Variants in BTBD9 observed in about 807,000 individuals in gnomAD.
BTBD9 encodes the protein BTB/POZ domain-containing protein 9.
Under a neutral mutation model 64.3 loss-of-function variants are expected in BTBD9, and 49 were observed. That is an observed-to-expected ratio of 0.76 (90% CI 0.61 to 0.97). The LOEUF (loss-of-function observed/expected upper bound fraction) is 0.97, where lower values mean the gene tolerates loss of function less well. BTBD9 is among the 50% of genes least tolerant of loss of function. The probability of loss-of-function intolerance (pLI) is 0.00; values close to 1 mark genes in which losing one functional copy is unlikely to be tolerated. For synonymous variants in BTBD9, 260 were observed against 274.7 expected (o/e 0.95, Z 0.53); for missense variants, 598 against 762.1 (o/e 0.78, Z 2.53).
chr6:38,347,758 A>G (rs1337267105), intron 6 of BTBD9, among the ~76,000 whole-genome samples: 3 of 152,162 alleles, frequency 2.0e-5, no homozygotes, highest in East Asian at 1.9e-4. Context: ...CCACATTGGG[A>G]GGCCTGGGTG....
At chr6:38,542,093 C>T (rs1774306843) in intron 6 of BTBD9, among the ~76,000 whole-genome samples, 1 of 152,168 alleles carries the variant, frequency 6.6e-6, no homozygotes, top group African/African-American at 2.4e-5. Context: ...ACTACTCTTT[C>T]CCTAGTTGAT....
chr6:38,376,153 C>A (rs1478633415), intron 6 of BTBD9, among the ~76,000 whole-genome samples: 1 of 151,966 alleles, frequency 6.6e-6, no homozygotes, highest in Non-Finnish European at 1.5e-5. Context: ...TTTTTTCCCC[C>A]ACAAAAGACA....
At chr6:38,255,825 A>G (rs529697381) in intron 9 of BTBD9, among the ~76,000 whole-genome samples, 1 of 152,230 alleles carries the variant, frequency 6.6e-6, no homozygotes, top group African/African-American at 2.4e-5. Flanking sequence ...GAAGAAAACA[A>G]TCCTAAAAAA....
intron 6 of BTBD9, among the ~76,000 whole-genome samples, chr6:38,563,654 G>A (rs1187236904): frequency 4.6e-5 from 7 of 151,610 alleles, no homozygotes; most frequent in African/African-American, 1.2e-4. Flanking sequence ...CCTCTACCTC[G>A]CTGCCACTCC....
intron 6 of BTBD9, among the ~76,000 whole-genome samples, chr6:38,451,335 C>A (rs955646154): frequency 1.3e-5 from 2 of 152,142 alleles, no homozygotes; most frequent in Non-Finnish European, 2.9e-5. Context: ...AGTGCAAGTT[C>A]TTTGAAGACA....
intron 9 of BTBD9, among the ~76,000 whole-genome samples, chr6:38,246,274 T>C (rs146723269): frequency 1.0e-3 from 154 of 152,348 alleles, no homozygotes; most frequent in Non-Finnish European, 1.7e-3. Flanking sequence ...GCTGACTCCT[T>C]ATTGCTATTT....
intron 6 of BTBD9, among the ~76,000 whole-genome samples, chr6:38,358,679 G>GT (rs1764826447): frequency 6.6e-6 from 1 of 151,874 alleles, no homozygotes; most frequent in Admixed American, 6.6e-5. Context: ...GAAATCCTCT[G>GT]TTTTTTGTTT....
intron 6 of BTBD9, among the ~76,000 whole-genome samples, chr6:38,489,630 A>G (rs2127389619): frequency 6.6e-6 from 1 of 152,340 alleles, no homozygotes; most frequent in East Asian, 1.9e-4. Context: ...AGCTTATAGA[A>G]AGAATGTTTT....
chr6:38,304,577 C>T (rs1316227839), intron 7 of BTBD9, among the ~76,000 whole-genome samples: 1 of 151,018 alleles, frequency 6.6e-6, no homozygotes, highest in Non-Finnish European at 1.5e-5. Flanking sequence ...AAAAAACCAA[C>T]ATCAAAAGAA....
At chr6:38,571,148 A>G (rs1775747327) in intron 6 of BTBD9, among the ~76,000 whole-genome samples, 1 of 152,230 alleles carries the variant, frequency 6.6e-6, no homozygotes, top group Non-Finnish European at 1.5e-5. Flanking sequence ...TGAATAAGGC[A>G]TTTCTTGAAT....
chr6:38,554,156 T>C (rs1349470508), intron 6 of BTBD9, among the ~76,000 whole-genome samples: 1 of 152,184 alleles, frequency 6.6e-6, no homozygotes, highest in Non-Finnish European at 1.5e-5. Context: ...ATGAGCTACA[T>C]GATTTGCCAT....
At chr6:38,211,913 C>G (rs989979864) in intron 9 of BTBD9, among the ~76,000 whole-genome samples, 1 of 152,194 alleles carries the variant, frequency 6.6e-6, no homozygotes, top group African/African-American at 2.4e-5. Context: ...AGTGTCTAGA[C>G]CAACATTTTG....
intron 6 of BTBD9, among the ~76,000 whole-genome samples, chr6:38,468,748 A>G (rs1770507268): frequency 6.6e-6 from 1 of 152,224 alleles, no homozygotes; most frequent in Non-Finnish European, 1.5e-5. Context: ...AAGATACTCA[A>G]ACATTTGGTG....
In BTBD9 at chr6:38,278,249, G is replaced by A. The variant is rs372028017; in HGVS notation, c.1454+10023C>T. Among the ~76,000 whole-genome samples the A allele has an allele frequency of 8.5e-5, 13 of 152,256 alleles. 1 individual carries two copies. The highest frequency in any genetic ancestry group is 3.9e-4 in the East Asian group (2 of 5,190). On this transcript the variant is annotated intron_variant, in intron 8 of 10. Transcript: ENST00000481247. Reference sequence around the variant, plus strand: ...TCACTGAATTGCAGAACCAATATGGGCAGCCATGCCCCTGTGGACTTTTTG... The same window carrying A: ...TCACTGAATTGCAGAACCAATATGGACAGCCATGCCCCTGTGGACTTTTTG...
intron 1 of BTBD9, among the ~76,000 whole-genome samples, chr6:38,614,164 G>C (rs891989825): frequency 6.6e-6 from 1 of 152,092 alleles, no homozygotes; most frequent in Non-Finnish European, 1.5e-5. Flanking sequence ...GGCTAATTCT[G>C]CCTCTTTCAA....
chr6:38,435,827 C>T (rs1162673870), intron 6 of BTBD9, among the ~76,000 whole-genome samples: 1 of 151,146 alleles, frequency 6.6e-6, no homozygotes, highest in Non-Finnish European at 1.5e-5. Context: ...CGCCACTGCG[C>T]CCGGCTAATT....
At chr6:38,486,206 G>A (rs1305194724) in intron 6 of BTBD9, among the ~76,000 whole-genome samples, 2 of 152,194 alleles carry the variant, frequency 1.3e-5, no homozygotes, top group African/African-American at 2.4e-5. Flanking sequence ...AGGGAATGTT[G>A]TGGCTGGTTT....
intron 10 of BTBD9, among the ~76,000 whole-genome samples, chr6:38,181,464 G>A (rs1433991900): frequency 6.6e-6 from 1 of 152,162 alleles, no homozygotes; most frequent in Non-Finnish European, 1.5e-5. Context: ...AGTGGCTGAT[G>A]TGGTGGCATC....
chr6:38,521,588 A>G (rs887264267), intron 6 of BTBD9, among the ~76,000 whole-genome samples: 3 of 152,210 alleles, frequency 2.0e-5, no homozygotes, highest in Admixed American at 1.3e-4. Flanking sequence ...GGAAGCATTC[A>G]GATTTCAGAT....
Sources: gnomAD v4.1 joint callset for allele counts (sites outside exome capture counted in the v4.1 genomes callset) on GRCh38, gnomAD v4.1.1 for gene constraint, MANE v1.5 for transcripts, NCBI Gene and HGNC (gene_info 2026-07-23, HGNC 2026-07-21) for gene names.